The following FAT3 variants were observed in gnomAD, a reference collection of about 807,000 sequenced individuals.
The protein encoded by FAT3 is FAT atypical cadherin 3, also known as protocadherin Fat 3.
In FAT3, 95 loss-of-function variants were observed where a neutral mutation model predicts 310.2. The ratio of observed to expected loss-of-function variants is 0.31; its 90% CI spans 0.26 to 0.36. The LOEUF is 0.36. FAT3 is among the 10% of genes least tolerant of loss of function. The pLI is 1.00. For missense variants in FAT3, 5,408 were observed against 5,715.6 expected (o/e 0.95, Z 1.74); for synonymous variants, 2,314 against 2,192.9 (o/e 1.06, Z -1.54).
chr11:92,538,920 C>T (rs1954349986), intron 3 of FAT3, among the ~76,000 whole-genome samples: 1 of 152,122 alleles, frequency 6.6e-6, no homozygotes, highest in Non-Finnish European at 1.5e-5. Context: ...AAATCCATCA[C>T]ATTAGAAACA....
At chr11:92,442,349 G>T (rs904285708) in intron 2 of FAT3, among the ~76,000 whole-genome samples, 8 of 150,394 alleles carry the variant, frequency 5.3e-5, no homozygotes, top group Non-Finnish European at 1.2e-4. Flanking sequence ...TCCTGACCTT[G>T]TGATCTGCCT....
intron 3 of FAT3, among the ~76,000 whole-genome samples, chr11:92,561,094 A>T (rs1257342212): frequency 6.6e-6 from 1 of 152,122 alleles, no homozygotes; most frequent in African/African-American, 2.4e-5. Flanking sequence ...GGGAAAGAAA[A>T]TTTTCAGTTA....
intron 4 of FAT3, among the ~76,000 whole-genome samples, chr11:92,724,291 T>G (rs1489183261): frequency 2.0e-5 from 3 of 152,138 alleles, no homozygotes; most frequent in Non-Finnish European, 4.4e-5. Flanking sequence ...GGCCACATAG[T>G]ACTTTCAGGT....
chr11:92,237,329 G>A (rs1443362226), intron 1 of FAT3, among the ~76,000 whole-genome samples: 1 of 152,184 alleles, frequency 6.6e-6, no homozygotes, highest in African/African-American at 2.4e-5. Context: ...TATGATCGAT[G>A]TTACCATTCA....
At chr11:92,586,526 A>C (rs1939165596) in intron 3 of FAT3, among the ~76,000 whole-genome samples, 1 of 151,966 alleles carries the variant, frequency 6.6e-6, no homozygotes, top group Non-Finnish European at 1.5e-5. Flanking sequence ...TCTTTGGTAT[A>C]CCTCTTGCCA....
intron 22 of FAT3, among the ~76,000 whole-genome samples, chr11:92,867,674 A>T (rs954599781): frequency 6.6e-6 from 1 of 151,998 alleles, no homozygotes; most frequent in Non-Finnish European, 1.5e-5. Context: ...CAACCTTACT[A>T]GAAGCTAAAG....
At chr11:92,472,381 C>T (rs975784629) in intron 2 of FAT3, among the ~76,000 whole-genome samples, 1 of 151,974 alleles carries the variant, frequency 6.6e-6, no homozygotes, top group Non-Finnish European at 1.5e-5. Flanking sequence ...TTTTTTCTAC[C>T]AGTCATCATA....
chr11:92,631,220 C>T (rs936630299), intron 3 of FAT3, among the ~76,000 whole-genome samples: 1 of 152,028 alleles, frequency 6.6e-6, no homozygotes, highest in Non-Finnish European at 1.5e-5. Context: ...GTGTATTCTC[C>T]CCTGACCCAT....
At chr11:92,713,048 G>T (rs568119026) in intron 4 of FAT3, among the ~76,000 whole-genome samples, 26 of 152,136 alleles carry the variant, frequency 1.7e-4, no homozygotes, top group African/African-American at 6.3e-4. Context: ...ACCTCACACA[G>T]GTGTTCAGGC....
Position 92,837,637 on chromosome 11 carries a change from ACTGTCACCTCT to A in FAT3, c.10225-25_10225-15del, listed in dbSNP as rs751450875. ...AAGGAAGGAAGCGCTACACCTCTTT[ACTGTCACCTCT>A]TTGTACCTTGGCAGGTGTCTGGATA... On this transcript the variant is annotated splice_polypyrimidine_tract_variant and intron_variant, in intron 16 of 27. Coordinates refer to ENST00000525166, the MANE Select transcript of FAT3 (RefSeq NM_001367949.2). 1.2e-5 allele frequency: 20 copies of A among 1,612,774 alleles called. No individual in the cohort carries two copies. Among genetic ancestry groups the A allele is most frequent in the Non-Finnish European group, 1.5e-5 (18 of 1,179,436 alleles).
chr11:92,619,715 T>C (rs1289454470), intron 3 of FAT3, among the ~76,000 whole-genome samples: 1 of 152,084 alleles, frequency 6.6e-6, no homozygotes, highest in African/African-American at 2.4e-5. Flanking sequence ...TCGTTTCTCA[T>C]TTCTGATTTT....
At chr11:92,239,130 C>T (rs921621391) in intron 1 of FAT3, among the ~76,000 whole-genome samples, 1 of 152,096 alleles carries the variant, frequency 6.6e-6, no homozygotes, top group Non-Finnish European at 1.5e-5. Context: ...TTCTAAGTGA[C>T]TTGCCCAAGG....
At chr11:92,857,793 C>G (rs1048442497) in intron 20 of FAT3, among the ~76,000 whole-genome samples, 9 of 152,148 alleles carry the variant, frequency 5.9e-5, no homozygotes, top group Non-Finnish European at 1.0e-4. Context: ...TCATCCCCAT[C>G]TGGTGAACCA....
intron 2 of FAT3, among the ~76,000 whole-genome samples, chr11:92,428,518 T>C (rs1335410858): frequency 6.6e-6 from 1 of 152,180 alleles, no homozygotes; most frequent in Non-Finnish European, 1.5e-5. Flanking sequence ...CTGTGGGCAT[T>C]TAGTGCTGTA....
chr11:92,418,823 T>C (rs1950475097), intron 2 of FAT3, among the ~76,000 whole-genome samples: 2 of 152,268 alleles, frequency 1.3e-5, no homozygotes, highest in South Asian at 2.1e-4. Flanking sequence ...TGCTGGGAAT[T>C]GCCTTGGTGC....
chr11:92,452,033 A>T (rs1247013542), intron 2 of FAT3, among the ~76,000 whole-genome samples: 1 of 152,218 alleles, frequency 6.6e-6, no homozygotes, highest in Non-Finnish European at 1.5e-5. Context: ...CTTTATACAT[A>T]GATAGGCAGA....
At chr11:92,622,102 A>T (rs146148942) in intron 3 of FAT3, among the ~76,000 whole-genome samples, 1 of 152,142 alleles carries the variant, frequency 6.6e-6, no homozygotes, top group African/African-American at 2.4e-5. Context: ...CCTAGCCAAC[A>T]TGGTGAAACC....
chr11:92,812,920 T>C (rs190638050), intron 13 of FAT3, among the ~76,000 whole-genome samples: 82 of 152,282 alleles, frequency 5.4e-4, no homozygotes, highest in African/African-American at 1.9e-3. Context: ...GGGAGGTAAT[T>C]TAATCATGGG....
At chr11:92,499,114 T>C (rs1420680401) in intron 2 of FAT3, among the ~76,000 whole-genome samples, 1 of 152,046 alleles carries the variant, frequency 6.6e-6, no homozygotes, top group Non-Finnish European at 1.5e-5. Context: ...CACCCTACCT[T>C]GTGCTGGGTG....
Sources: gnomAD v4.1 joint callset for allele counts (sites outside exome capture counted in the v4.1 genomes callset) on GRCh38, gnomAD v4.1.1 for gene constraint, MANE v1.5 for transcripts, NCBI Gene and HGNC (gene_info 2026-07-23, HGNC 2026-07-21) for gene names.